The following DAD1 variants were observed in gnomAD, a reference collection of about 807,000 sequenced individuals.
The protein encoded by DAD1 is defender against cell death 1, also known as dolichyl-diphosphooligosaccharide--protein glycosyltransferase subunit DAD1.
DAD1 carries 4 observed loss-of-function variants against 9.0 expected under a neutral mutation model. The ratio of observed to expected loss-of-function variants is 0.44; its 90% CI spans 0.22 to 1.01. The LOEUF (loss-of-function observed/expected upper bound fraction) is 1.01, where lower values mean the gene tolerates loss of function less well. Among genes scored for constraint, DAD1 ranks in the 50% least tolerant of loss-of-function variants. DAD1 has a pLI of 0.24. For missense variants in DAD1, 119 were observed against 137.3 expected (o/e 0.87, Z 0.67); for synonymous variants, 60 against 62.5 (o/e 0.96, Z 0.19).
chr14:22,581,593 A>C (rs1241919174), intron 1 of DAD1, among the ~76,000 whole-genome samples: 2 of 151,950 alleles, frequency 1.3e-5, no homozygotes, highest in East Asian at 3.9e-4. Flanking sequence ...AATACAAAAA[A>C]TTAGCCAGGC....
chr14:22,570,092 C>T (rs756955385), intron 2 of DAD1, among the ~76,000 whole-genome samples: 1 of 152,008 alleles, frequency 6.6e-6, no homozygotes, highest in Admixed American at 6.6e-5. Flanking sequence ...GCTTATTTGG[C>T]GGCAGGACCT....
intron 1 of DAD1, among the ~76,000 whole-genome samples, chr14:22,579,714 A>G (rs1226864786): frequency 6.6e-6 from 1 of 152,228 alleles, no homozygotes; most frequent in Non-Finnish European, 1.5e-5. Flanking sequence ...TCTAAACATC[A>G]AGGGGATTAA....
intron 1 of DAD1, among the ~76,000 whole-genome samples, chr14:22,578,231 C>A (rs2037091616): frequency 7.1e-6 from 1 of 140,828 alleles, no homozygotes; most frequent in African/African-American, 2.7e-5. Context: ...CTAGCATGGG[C>A]AACAAGAGCG....
intron 2 of DAD1, among the ~76,000 whole-genome samples, chr14:22,573,386 G>C (rs2037054385): frequency 6.6e-6 from 1 of 151,988 alleles, no homozygotes; most frequent in African/African-American, 2.4e-5. Flanking sequence ...GGAGGAAGAG[G>C]ATAACTCAAG....
At chr14:22,578,240 C>T (rs1287600409) in intron 1 of DAD1, among the ~76,000 whole-genome samples, 2 of 141,406 alleles carry the variant, frequency 1.4e-5, no homozygotes, top group South Asian at 2.2e-4. Flanking sequence ...GCAACAAGAG[C>T]GAAACTCCAT....
At chr14:22,566,244 C>T (rs1033742278) in intron 2 of DAD1, among the ~76,000 whole-genome samples, 1 of 152,052 alleles carries the variant, frequency 6.6e-6, no homozygotes, top group Non-Finnish European at 1.5e-5. Context: ...CCAAACAAAA[C>T]CAAACAGACC....
intron 1 of DAD1, 66 bp downstream of exon 1, chr14:22,588,880 AC>A (rs1338446697): frequency 6.6e-7 from 1 of 1,506,800 alleles, no homozygotes; most frequent in Non-Finnish European, 9.1e-7. Context: ...GATATAGAGT[AC>A]TATGAAAACA....
At chr14:22,584,383 G>A (rs2037138496) in intron 1 of DAD1, among the ~76,000 whole-genome samples, 1 of 151,978 alleles carries the variant, frequency 6.6e-6, no homozygotes, top group Non-Finnish European at 1.5e-5. Flanking sequence ...GGAATACAGA[G>A]GAAAGACCTC....
At chr14:22,575,769 G>A (rs543218146) in intron 1 of DAD1, among the ~76,000 whole-genome samples, 3 of 152,214 alleles carry the variant, frequency 2.0e-5, no homozygotes, top group Non-Finnish European at 2.9e-5. Context: ...GGCTGGTCTC[G>A]AACTCCTGAC....
At chr14:22,579,916 T>C (rs1403014526) in intron 1 of DAD1, among the ~76,000 whole-genome samples, 1 of 145,974 alleles carries the variant, frequency 6.9e-6, no homozygotes, top group Non-Finnish European at 1.5e-5. Context: ...CATGGCTCCC[T>C]GCAGCCTCGA....
chr14:22,573,858 CAT>C (rs1048248221), intron 2 of DAD1, among the ~76,000 whole-genome samples: 2 of 151,740 alleles, frequency 1.3e-5, no homozygotes, highest in Admixed American at 6.6e-5. Context: ...ATTTAGGTAA[CAT>C]ATTATAAGTA....
chr14:22,576,509 T>TA (rs1409059252), intron 1 of DAD1, among the ~76,000 whole-genome samples: 3 of 152,224 alleles, frequency 2.0e-5, no homozygotes, highest in Non-Finnish European at 4.4e-5. Flanking sequence ...GACCAAAAAC[T>TA]AAAAAACTCT....
intron 2 of DAD1, among the ~76,000 whole-genome samples, chr14:22,567,731 G>T (rs1312137414): frequency 6.6e-6 from 1 of 152,186 alleles, no homozygotes; most frequent in African/African-American, 2.4e-5. Context: ...TGCAGACCCT[G>T]AATGTTTCCC....
intron 1 of DAD1, among the ~76,000 whole-genome samples, chr14:22,584,265 G>A (rs5742758): frequency 0.049 from 7,416 of 152,206 alleles, 242 homozygotes; most frequent in African/African-American, 0.072. Flanking sequence ...ATGGAGAGAT[G>A]AGAAGACAGC....
In DAD1 at chr14:22,589,171, G is replaced by A. The variant is rs5742731; in HGVS notation, c.-14C>T. 6,375 of 1,613,896 alleles carry A rather than the reference G, an allele frequency of 4.0e-3. 223 individuals carry two copies. The African/African-American group carries it at 0.075, about 19-fold the overall frequency. On this transcript the variant is annotated 5_prime_UTR_variant, in exon 1 of 3. Coordinates refer to ENST00000250498, the MANE Select transcript of DAD1 (RefSeq NM_001344.4). ...CGACGCCGACATAACTGCACGCAAG[G>A]TACTCCGGTCCGCGCCCCAAACTCT...
In DAD1 at chr14:22,589,110, G is replaced by A; in HGVS notation, c.48C>T (p.Tyr16=). 1 of 1,614,200 alleles carries A rather than the reference G, an allele frequency of 6.2e-7. No homozygotes were observed. Residue 16 remains tyrosine, a synonymous_variant, in exon 1 of 3, where the codon TAC becomes TAT. Coordinates refer to ENST00000250498, the MANE Select transcript of DAD1 (RefSeq NM_001344.4). ...VSVISRFLEE[Y]LSSTPQRLKL... ...TCAGACGCTGCGGAGTGGAGCTCAA[G>A]TACTCTTCTAAGAACCGCGAAATGA...
At chr14:22,568,885 G>C (rs188327876) in intron 2 of DAD1, among the ~76,000 whole-genome samples, 3 of 152,118 alleles carry the variant, frequency 2.0e-5, no homozygotes, top group Non-Finnish European at 4.4e-5. Flanking sequence ...TTTTGGTAGA[G>C]ACAAGGTCTT....
chr14:22,565,633 GA>G (rs2036997829), intron 2 of DAD1, among the ~76,000 whole-genome samples: 1 of 152,154 alleles, frequency 6.6e-6, no homozygotes, highest in South Asian at 2.1e-4. Flanking sequence ...CAAAATATAA[GA>G]AATAATTTAG....
rs547032184 is a variant in DAD1, at chr14:22,579,082, G to A, written c.212-3849C>T. Among the ~76,000 whole-genome samples the A allele has an allele frequency of 2.6e-5, 4 of 152,122 alleles. No individual in the cohort carries two copies. The East Asian group carries it at 7.7e-4, about 29-fold the overall frequency. On this transcript the variant is annotated intron_variant, in intron 1 of 2. Transcript: ENST00000250498. ...CATTCTTGAGAACCTCACAGTTCTC[G>A]ATAAACTATCTTTGATCTCGAAGTT...
Sources: allele counts gnomAD v4.1 joint callset (sites outside exome capture counted in the v4.1 genomes callset), GRCh38; gene constraint gnomAD v4.1.1; transcripts MANE v1.5; gene names NCBI Gene and HGNC (gene_info 2026-07-23, HGNC 2026-07-21).